Variants in ZFPM2 observed in about 807,000 individuals in gnomAD.
ZFPM2 encodes zinc finger protein, FOG family member 2, also known as zinc finger protein ZFPM2.
ZFPM2 carries 20 observed loss-of-function variants against 98.6 expected under a neutral mutation model. That is an observed-to-expected ratio of 0.20 (90% confidence interval 0.14 to 0.29). ZFPM2 has a LOEUF of 0.29. Ranked by LOEUF, ZFPM2 falls within the 10% of genes least tolerant of loss-of-function variation. The pLI is 1.00. For missense variants in ZFPM2, 1,310 were observed against 1,388.6 expected, an observed-to-expected ratio of 0.94 and a Z score of 0.90; for synonymous variants, 518 against 502.7, an observed-to-expected ratio of 1.03 and a Z score of -0.41.
chr8:105,382,798 GA>G (rs1395951643), intron 1 of ZFPM2, among the ~76,000 whole-genome samples: 1 of 152,074 alleles, frequency 6.6e-6, no homozygotes, highest in African/African-American at 2.4e-5. Flanking sequence ...AGGAATATTG[GA>G]ATTTAGAAAT....
At chr8:105,772,214 A>G (rs1812992779) in intron 5 of ZFPM2, among the ~76,000 whole-genome samples, 1 of 152,166 alleles carries the variant, frequency 6.6e-6, no homozygotes, top group Non-Finnish European at 1.5e-5. Context: ...AGGGTTGAGA[A>G]TGTAGTGTGA....
chr8:105,742,664 G>A (rs1479823613), intron 5 of ZFPM2, among the ~76,000 whole-genome samples: 2 of 151,970 alleles, frequency 1.3e-5, no homozygotes, highest in Non-Finnish European at 2.9e-5. Context: ...GGCTGAGTTG[G>A]GCCAGTCACC....
At chr8:105,347,939 A>G (rs1204168473) in intron 1 of ZFPM2, among the ~76,000 whole-genome samples, 1 of 152,178 alleles carries the variant, frequency 6.6e-6, no homozygotes, top group Non-Finnish European at 1.5e-5. Context: ...GGTTGTGTTG[A>G]AATCACAGGC....
chr8:105,751,743 T>C (rs866963013), intron 5 of ZFPM2, among the ~76,000 whole-genome samples: 15 of 152,020 alleles, frequency 9.9e-5, no homozygotes, highest in African/African-American at 2.9e-4. Flanking sequence ...TACGTTTATG[T>C]AGCTTTTAAA....
rs546745225 is a variant in ZFPM2 at position 105,669,304 on chromosome 8, G to A, written c.532+34947G>A. On this transcript the variant is annotated intron_variant, in intron 5 of 7. Transcript: ENST00000407775. Reference sequence around the variant, plus strand: ...TCCTCTAAAATTCTCATAGCTCTAGGTCTTATTACTAAATACTCAGTACAT... The same window carrying A: ...TCCTCTAAAATTCTCATAGCTCTAGATCTTATTACTAAATACTCAGTACAT... Among the ~76,000 whole-genome samples, 18 of 151,860 alleles carry A rather than the reference G, an allele frequency of 1.2e-4. No individual in the cohort carries two copies. The South Asian group carries it at 3.5e-3, about 30-fold the overall frequency.
At chr8:105,777,745 A>G (rs1563559173) in intron 5 of ZFPM2, among the ~76,000 whole-genome samples, 1 of 152,200 alleles carries the variant, frequency 6.6e-6, no homozygotes, top group Admixed American at 6.5e-5. Flanking sequence ...ATGAGTTGGC[A>G]TGTTGCTGCA....
chr8:105,438,909 T>C (rs1488239491), intron 2 of ZFPM2, among the ~76,000 whole-genome samples: 2 of 152,182 alleles, frequency 1.3e-5, no homozygotes, highest in Non-Finnish European at 2.9e-5. Context: ...GTCTTACCAC[T>C]TGGAATTATT....
chr8:105,666,237 C>T (rs1286779333), intron 5 of ZFPM2, among the ~76,000 whole-genome samples: 1 of 151,994 alleles, frequency 6.6e-6, no homozygotes, highest in Non-Finnish European at 1.5e-5. Context: ...TGTTTCAGGC[C>T]CTCTTTAGCA....
chr8:105,589,365 C>T (rs970616887), intron 4 of ZFPM2, among the ~76,000 whole-genome samples: 1 of 152,184 alleles, frequency 6.6e-6, no homozygotes, highest in Non-Finnish European at 1.5e-5. Context: ...GCTACCTTGA[C>T]AAATCCTACC....
intron 5 of ZFPM2, among the ~76,000 whole-genome samples, chr8:105,708,619 T>C (rs1425206198): frequency 6.6e-6 from 1 of 151,992 alleles, no homozygotes; most frequent in Non-Finnish European, 1.5e-5. Context: ...TATTTTTGTA[T>C]TTTTGGTTGA....
At chr8:105,745,499 G>A (rs1251707824) in intron 5 of ZFPM2, among the ~76,000 whole-genome samples, 1 of 151,990 alleles carries the variant, frequency 6.6e-6, no homozygotes, top group Non-Finnish European at 1.5e-5. Flanking sequence ...ACACATTATA[G>A]TAAAACAGTT....
chr8:105,511,158 C>T (rs917126885), intron 3 of ZFPM2, among the ~76,000 whole-genome samples: 1 of 152,226 alleles, frequency 6.6e-6, no homozygotes, highest in African/African-American at 2.4e-5. Flanking sequence ...TGTAGGAAGT[C>T]TCTATTGTTG....
At chr8:105,325,154 C>T (rs564579287) in intron 1 of ZFPM2, among the ~76,000 whole-genome samples, 2 of 151,950 alleles carry the variant, frequency 1.3e-5, no homozygotes, top group South Asian at 4.2e-4. Flanking sequence ...TTCATTCTCT[C>T]ATCAAACGAA....
chr8:105,696,373 G>A (rs770941153), intron 5 of ZFPM2, among the ~76,000 whole-genome samples: 2 of 152,024 alleles, frequency 1.3e-5, no homozygotes, highest in East Asian at 1.9e-4. Flanking sequence ...TGTCACCTGC[G>A]TAATAAAGTG....
In ZFPM2 at chr8:105,523,895, T is replaced by C. The variant is rs533075785; in HGVS notation, c.302-37468T>C. Among the ~76,000 whole-genome samples, 21 of 152,268 alleles carry C rather than the reference T, an allele frequency of 1.4e-4. No individual in the cohort carries two copies. In the South Asian group the frequency reaches 3.9e-3, roughly 29 times the overall value. On this transcript the variant is annotated intron_variant, in intron 3 of 7. Transcript: ENST00000407775. ...GTCAAAAGCAACTGGGAGAACATAG[T>C]GGCAGCATCACAGTGAAGGTGTATA...
intron 2 of ZFPM2, among the ~76,000 whole-genome samples, chr8:105,437,914 G>C (rs180846345): frequency 1.3e-5 from 2 of 151,970 alleles, no homozygotes; most frequent in Admixed American, 6.6e-5. Context: ...ATGGTGGTGC[G>C]CATCTGTAAT....
In ZFPM2 at chr8:105,451,055, T is replaced by C. The variant is rs367603178; in HGVS notation, c.301+6674T>C. 5.3e-5 allele frequency among the ~76,000 whole-genome samples: 8 copies of C among 152,240 alleles called. No individual in the cohort carries two copies. The East Asian group carries it at 1.2e-3, about 22-fold the overall frequency. On this transcript the variant is annotated intron_variant, in intron 3 of 7. Transcript: ENST00000407775. Reference sequence around the variant, plus strand: ...TTGATTCACAAACAACTTTATAAAGTATACCAATTTATTATTACTATTATG... The same window carrying C: ...TTGATTCACAAACAACTTTATAAAGCATACCAATTTATTATTACTATTATG...
chr8:105,790,404 A>G (rs1023313782), intron 6 of ZFPM2, among the ~76,000 whole-genome samples: 1 of 152,156 alleles, frequency 6.6e-6, no homozygotes, highest in Non-Finnish European at 1.5e-5. Context: ...AGTTGTAGAT[A>G]TGCGGCATTA....
chr8:105,592,771 A>G (rs1200149306), intron 4 of ZFPM2, among the ~76,000 whole-genome samples: 2 of 152,182 alleles, frequency 1.3e-5, no homozygotes, highest in African/African-American at 2.4e-5. Context: ...TTCTAAGGCC[A>G]CAAAAGGAGA....
Sources: allele counts gnomAD v4.1 joint callset (sites outside exome capture counted in the v4.1 genomes callset), GRCh38; gene constraint gnomAD v4.1.1; transcripts MANE v1.5; gene names NCBI Gene and HGNC (gene_info 2026-07-23, HGNC 2026-07-21).